MRPL46: variants seen among roughly 807,000 people sequenced by gnomAD.
MRPL46 encodes mitochondrial ribosomal protein L46.
Under a neutral mutation model 31.0 loss-of-function variants are expected in MRPL46, and 26 were observed. That is an observed-to-expected ratio of 0.84 (90% CI 0.61 to 1.16). The LOEUF (loss-of-function observed/expected upper bound fraction) is 1.16. Ranked by LOEUF, MRPL46 falls within the 50% of genes most tolerant of loss-of-function variation. The probability of loss-of-function intolerance (pLI) is 0.00; values close to 1 mark genes in which losing one functional copy is unlikely to be tolerated. For synonymous variants in MRPL46, 159 were observed against 141.3 expected, an observed-to-expected ratio of 1.13 and a Z score of -0.89; for missense variants, 395 against 340.0, an observed-to-expected ratio of 1.16 and a Z score of -1.27.
At chr15:88,466,785 G>C (rs935819467) in intron 1 of MRPL46, among the ~76,000 whole-genome samples, 1 of 152,102 alleles carries the variant, frequency 6.6e-6, no homozygotes, top group African/African-American at 2.4e-5. Context: ...GCTTATCATA[G>C]GCATCTGACA....
intron 3 of MRPL46, chr15:88,464,208 C>A: frequency 6.4e-6 from 1 of 156,476 alleles, no homozygotes; most frequent in Non-Finnish European, 1.4e-5. Flanking sequence ...CGACCCCAAA[C>A]ACCAATAATG....
Position 88,459,880 on chromosome 15 carries a change from G to T in MRPL46, c.590-17C>A, listed in dbSNP as rs747867213. On this transcript the variant is annotated splice_polypyrimidine_tract_variant and intron_variant, in intron 3 of 3. Transcript: ENST00000312475. The stretch of plus-strand genomic sequence containing the variant: ...TGTTGTTTTCTGAAGAGGGAGGAAA[G>T]AAAAATCACAATTGGAAGGTAAGGA... The T allele has an allele frequency of 1.9e-6, 3 of 1,613,058 alleles. No homozygotes were observed. The African/African-American group carries it at 4.0e-5, about 22-fold the overall frequency.
At chr15:88,464,644 A>G (rs967671743) in intron 3 of MRPL46, 59 bp downstream of exon 3, 2 of 1,564,464 alleles carry the variant, frequency 1.3e-6, no homozygotes, top group Non-Finnish European at 1.7e-6. Flanking sequence ...CAGCCTAAAA[A>G]TCCTCTGGCT....
chr15:88,459,633 T>C lies in MRPL46; in HGVS notation c.820A>G (p.Arg274Gly), dbSNP rs1199075069. 6.2e-7 allele frequency: 1 copy of C among 1,614,104 alleles called. No individual in the cohort carries two copies. The highest frequency in any genetic ancestry group is 8.5e-7 in the Non-Finnish European group (1 of 1,180,028). Reference protein sequence around the residue: ...LKPKYLAQVRRFVSDL With the variant: ...LKPKYLAQVRGFVSDL ...GCCCATCAGAGGTCTGAAACAAACC[T>C]CCTAACTTGGGCCAGGTATTTTGGT... Residue 274 changes from arginine to glycine, a missense_variant, in exon 4 of 4, where the codon AGG becomes GGG. Arg to Gly is a moderately radical substitution (Grantham distance 125). Coordinates refer to ENST00000312475, the MANE Select transcript of MRPL46 (RefSeq NM_022163.4).
At chr15:88,465,800 T>C in intron 1 of MRPL46, 27 bp from the exon 2 acceptor site, 1 of 1,535,350 alleles carries the variant, frequency 6.5e-7, no homozygotes, top group African/African-American at 1.4e-5. Context: ...GGCAAAAAAC[T>C]ACCTTAATCT....
chr15:88,462,574 C>T (rs995674442), intron 3 of MRPL46: 1 of 152,154 alleles, frequency 6.6e-6, no homozygotes, highest in African/African-American at 2.4e-5. Flanking sequence ...GAGGTTTAGA[C>T]AAAGAGGCAC....
At chr15:88,460,578 C>T (rs114656959) in intron 3 of MRPL46, 1 of 152,168 alleles carries the variant, frequency 6.6e-6, no homozygotes, top group Non-Finnish European at 1.5e-5. Flanking sequence ...ACTGATTAGC[C>T]AGATGGGAAA....
chr15:88,463,780 C>G lies in MRPL46; in HGVS notation c.589+923G>C, dbSNP rs192169084. ...ATGCAAAAGGTTTGTTAAGTTAGAA[C>G]TTGAATTTTACATTAATGAACAGCA... On this transcript the variant is annotated intron_variant, in intron 3 of 3. Coordinates refer to ENST00000312475, the MANE Select transcript of MRPL46 (RefSeq NM_022163.4). The surrounding 1 kb of genome is among the most constrained non-coding windows in gnomAD (Gnocchi z 5.4). 3.3e-5 allele frequency: 5 copies of G among 152,298 alleles called. No individual in the cohort carries two copies. Among genetic ancestry groups the G allele is most frequent in the African/African-American group, 1.2e-4 (5 of 41,548 alleles). The allele number at this position is 152,298 out of a possible 1,614,324, so 9.4% of individuals were successfully genotyped here.
chr15:88,464,245 G>A (rs1455958651), intron 3 of MRPL46: 1 of 159,834 alleles, frequency 6.3e-6, no homozygotes, highest in African/African-American at 2.4e-5. Context: ...CTAGTCTAGT[G>A]AGAAGTGAAG....
chr15:88,464,447 GA>G (rs1386032362), intron 3 of MRPL46: 1 of 416,590 alleles, frequency 2.4e-6, no homozygotes, highest in African/African-American at 2.1e-5. Flanking sequence ...GAAAATGGTA[GA>G]AATATCAATT....
chr15:88,465,144 T>C, intron 2 of MRPL46: 1 of 429,684 alleles, frequency 2.3e-6, no homozygotes, highest in South Asian at 6.0e-5. Context: ...ACAATGATCA[T>C]ACTAATTCAA....
Position 88,465,868 on chromosome 15 carries a change from G to A in MRPL46, c.229-95C>T, listed in dbSNP as rs1598284936. 3 of 1,191,622 alleles carry A rather than the reference G, an allele frequency of 2.5e-6. No homozygotes were observed. The East Asian group carries it at 7.5e-5, about 30-fold the overall frequency. 73.8% of individuals were successfully genotyped at this position (1,191,622 alleles called of 1,614,324 possible). On this transcript the variant is annotated intron_variant, in intron 1 of 3. Coordinates refer to ENST00000312475, the MANE Select transcript of MRPL46 (RefSeq NM_022163.4). ...AATAAAACAGAGACATGGCACACTT[G>A]GCAAGCTCAGAAGTTTATCACCCAA...
In MRPL46 at chr15:88,464,220, C is replaced by T. The variant is rs1414700413; in HGVS notation, c.589+483G>A. 2 of 156,696 alleles carry T rather than the reference C, an allele frequency of 1.3e-5. 1 individual carries two copies. The highest frequency in any genetic ancestry group is 5.9e-3 in the Middle Eastern group (2 of 338). 9.7% of individuals were successfully genotyped at this position (156,696 alleles called of 1,614,324 possible). On this transcript the variant is annotated intron_variant, in intron 3 of 3. Transcript: ENST00000312475. ...ATCCGACCCCAAACACCAATAATGC[C>T]AGAGATGGGAAACCCTAGTCTAGTG...
chr15:88,460,083 T>C (rs1176730178), intron 3 of MRPL46: 3 of 571,390 alleles, frequency 5.3e-6, no homozygotes, highest in Admixed American at 6.3e-5. Flanking sequence ...CTCACTCCCA[T>C]GTGCCAAGCT....
At position 88,459,607 on chromosome 15, in the gene MRPL46, G is replaced by C; in HGVS notation, c.*6C>G. The C allele has an allele frequency of 6.2e-7, 1 of 1,613,634 alleles. No individual in the cohort carries two copies. The highest frequency in any genetic ancestry group is 8.5e-7 in the Non-Finnish European group (1 of 1,180,018). On this transcript the variant is annotated 3_prime_UTR_variant, in exon 4 of 4. Coordinates refer to ENST00000312475, the MANE Select transcript of MRPL46 (RefSeq NM_022163.4). ...TCTGAGCACCGTCCACAGGCAGCTC[G>C]GCCCATCAGAGGTCTGAAACAAACC...
intron 3 of MRPL46, chr15:88,462,229 G>A (rs565667354): frequency 3.3e-5 from 5 of 151,432 alleles, no homozygotes; most frequent in South Asian, 2.1e-4. Flanking sequence ...AGTAAAAAAC[G>A]TTAGCAGTGG....
chr15:88,459,999 A>T, intron 3 of MRPL46, 136 bp from the exon 4 acceptor site: 1 of 1,110,980 alleles, frequency 9.0e-7, no homozygotes, highest in Non-Finnish European at 1.3e-6. Context: ...ATAGGACTAG[A>T]GCCATTCCTG....
In MRPL46 at chr15:88,467,179, G is replaced by A. The variant is rs756310544; in HGVS notation, c.199C>T (p.Gln67Ter). Reference sequence around the variant, plus strand: ...TGCAGTAGAGACGCCATCTCTTCCTGCAATGGGGTCAACGGCTTGGAGACT... The same window carrying A: ...TGCAGTAGAGACGCCATCTCTTCCTACAATGGGGTCAACGGCTTGGAGACT... ...PVVSKPLTPL[Q>*]EEMASLLQQI... The change falls in exon 1 of 4, where the codon CAG becomes TAG. Residue 67 changes from glutamine (Q) to a stop codon, truncating the protein, a stop_gained. Coordinates refer to ENST00000312475, the MANE Select transcript of MRPL46 (RefSeq NM_022163.4). LOFTEE classifies it high-confidence loss of function. 5 of 1,614,010 alleles carry A rather than the reference G, an allele frequency of 3.1e-6. No individual in the cohort carries two copies. Among genetic ancestry groups the A allele is most frequent in the Non-Finnish European group, 4.2e-6 (5 of 1,180,014 alleles).
intron 3 of MRPL46, chr15:88,460,501 A>C (rs530703560): frequency 6.6e-6 from 1 of 152,658 alleles, no homozygotes; most frequent in Non-Finnish European, 1.5e-5. Context: ...CTAAGGGTTA[A>C]CAACCCCAAT....
Sources: allele counts gnomAD v4.1 joint callset (sites outside exome capture counted in the v4.1 genomes callset), GRCh38; gene constraint gnomAD v4.1.1; non-coding constraint Gnocchi (gnomAD v3.1); transcripts MANE v1.5; gene names NCBI Gene and HGNC (gene_info 2026-07-23, HGNC 2026-07-21).